Variants in ATF1 observed in about 807,000 individuals in gnomAD.
ATF1 encodes the protein activating transcription factor 1, also known as cyclic AMP-dependent transcription factor ATF-1.
Under a neutral mutation model 34.7 loss-of-function variants are expected in ATF1, and 16 were observed. The observed-to-expected ratio is 0.46, with a 90% CI of 0.31 to 0.70. ATF1 has a LOEUF of 0.70. ATF1 is among the 30% of genes least tolerant of loss of function. The pLI is 0.05. For missense variants in ATF1, 255 were observed against 321.6 expected, an observed-to-expected ratio of 0.79 and a Z score of 1.58; for synonymous variants, 105 against 113.1, an observed-to-expected ratio of 0.93 and a Z score of 0.46.
intron 4 of ATF1, among the ~76,000 whole-genome samples, chr12:50,813,762 C>T (rs1391354964): frequency 6.6e-6 from 1 of 151,918 alleles, no homozygotes; most frequent in Admixed American, 6.6e-5. Context: ...TGCAGCCAGC[C>T]GAGATCGTGC....
chr12:50,814,045 A>T lies in ATF1; in HGVS notation c.364A>T (p.Ser122Cys). 1 of 1,613,634 alleles carries T rather than the reference A, an allele frequency of 6.2e-7. No homozygotes were observed. The highest frequency in any genetic ancestry group is 8.5e-7 in the Non-Finnish European group (1 of 1,179,914). Residue 122 changes from serine to cysteine, a missense_variant, in exon 5 of 7, where the codon AGT (serine) becomes TGT (cysteine). Around this residue, in one of 2 missense-constraint regions of ATF1, gnomAD observed 221 missense variants for 250.7 expected, o/e 0.88. Transcript: ENST00000262053. ...CCCAAATGGAGCCTTACAGTTGGCA[A>T]GTCCAGGCACAGATGGAGTACAGGG... is the stretch of plus-strand genomic sequence containing the variant. ...IAPNGALQLA[S>C]PGTDGVQGLQ... is the part of the protein sequence containing the mutation.
chr12:50,812,476 A>G, intron 4 of ATF1, among the ~76,000 whole-genome samples: 1 of 152,296 alleles, frequency 6.6e-6, no homozygotes, highest in African/African-American at 2.4e-5. Context: ...GTGTATGTGT[A>G]TATATGTATA....
At chr12:50,795,808 TGGAGTGGCA>T in intron 2 of ATF1, 92 bp from the exon 3 acceptor site, 1 of 823,696 alleles carries the variant, frequency 1.2e-6, no homozygotes, top group Non-Finnish European at 2.0e-6. Flanking sequence ...ACAAATGAAT[TGGAGTGGCA>T]GGAGACAGAT....
chr12:50,798,795 GTCAAC>G (rs1480662538), intron 3 of ATF1, among the ~76,000 whole-genome samples: 1 of 152,126 alleles, frequency 6.6e-6, no homozygotes, highest in Non-Finnish European at 1.5e-5. Context: ...AAACAATACA[GTCAAC>G]TCAATAAATG....
intron 1 of ATF1, among the ~76,000 whole-genome samples, chr12:50,773,032 T>G (rs546954648): frequency 6.6e-6 from 1 of 152,338 alleles, no homozygotes; most frequent in African/African-American, 2.4e-5. Flanking sequence ...TGATGTTCTG[T>G]TCCTTTGTTA....
chr12:50,783,171 GGTAA>G (rs772127930), intron 2 of ATF1, among the ~76,000 whole-genome samples: 17 of 152,024 alleles, frequency 1.1e-4, no homozygotes, highest in African/African-American at 2.9e-4. Context: ...TTTTAAATAT[GGTAA>G]GTATTAATAA....
At chr12:50,804,426 T>C (rs1251544812) in intron 3 of ATF1, among the ~76,000 whole-genome samples, 2 of 152,198 alleles carry the variant, frequency 1.3e-5, no homozygotes, top group Non-Finnish European at 2.9e-5. Flanking sequence ...GGCTCACACC[T>C]GTGATCTCAG....
At chr12:50,780,507 G>C (rs10876089) in intron 2 of ATF1, among the ~76,000 whole-genome samples, 9 of 151,224 alleles carry the variant, frequency 6.0e-5, no homozygotes, top group Admixed American at 3.9e-4. Context: ...ACCACGCCTG[G>C]CTATTTTTTG....
At chr12:50,767,620 TA>T (rs1175250930) in intron 1 of ATF1, among the ~76,000 whole-genome samples, 17 of 152,154 alleles carry the variant, frequency 1.1e-4, no homozygotes, top group African/African-American at 3.1e-4. Context: ...CTGTAACAAA[TA>T]AAAGACTGGA....
chr12:50,780,606 A>G (rs1269537613), intron 2 of ATF1, among the ~76,000 whole-genome samples: 3 of 151,708 alleles, frequency 2.0e-5, no homozygotes, highest in African/African-American at 7.3e-5. Context: ...TGGCCTCCCA[A>G]AATGCTGGGA....
chr12:50,790,187 T>C (rs2139663650), intron 2 of ATF1, among the ~76,000 whole-genome samples: 1 of 147,448 alleles, frequency 6.8e-6, no homozygotes, highest in Middle Eastern at 3.5e-3. Context: ...TCTCAAGACT[T>C]GTGGGTTCTA....
At chr12:50,802,954 C>G (rs115731963) in intron 3 of ATF1, among the ~76,000 whole-genome samples, 7,102 of 144,824 alleles carry the variant, frequency 0.049, 596 homozygotes, top group African/African-American at 0.17. Context: ...ATATTAAGAC[C>G]AAATTAAAAA....
At chr12:50,765,217 GT>G (rs1940602372) in intron 1 of ATF1, among the ~76,000 whole-genome samples, 1 of 152,156 alleles carries the variant, frequency 6.6e-6, no homozygotes, top group South Asian at 2.1e-4. Flanking sequence ...TGATGAGTTC[GT>G]AGGCATTTAT....
intron 6 of ATF1, 96 bp from the exon 7 acceptor site, chr12:50,819,539 G>GAAAAA: frequency 7.2e-7 from 1 of 1,397,190 alleles, no homozygotes; most frequent in Non-Finnish European, 9.9e-7. Context: ...ACTTTAAAGA[G>GAAAAA]AAAAAAAGGT....
At chr12:50,794,891 C>T (rs1345347380) in intron 2 of ATF1, among the ~76,000 whole-genome samples, 62 of 152,068 alleles carry the variant, frequency 4.1e-4, no homozygotes, top group Admixed American at 4.1e-3. Context: ...TGCACTTCAG[C>T]CTGGGTGACA....
At chr12:50,782,232 CTGTTTTTTTTGTT>C (rs1229639158) in intron 2 of ATF1, among the ~76,000 whole-genome samples, 1 of 138,712 alleles carries the variant, frequency 7.2e-6, no homozygotes, top group Non-Finnish European at 1.7e-5. Context: ...TTTTCTTTTT[CTGTTTTTTTTGTT>C]TGTTTGTTTA....
At position 50,820,224 on chromosome 12, in the gene ATF1, T is replaced by TAAGA. The variant is rs1941923250; in HGVS notation, c.*446_*449dup. Reference sequence around the variant, plus strand: ...GCCAATAAATTCTAAATTACAAAGGTAAGAGAAAACCTAGTACATTACTAA... The same window carrying TAAGA: ...GCCAATAAATTCTAAATTACAAAGGTAAGAAAGAGAAAACCTAGTACATTACTAA... On this transcript the variant is annotated 3_prime_UTR_variant, in exon 7 of 7. Transcript: ENST00000262053. 4.9e-6 allele frequency: 1 copy of TAAGA among 204,122 alleles called. No individual in the cohort carries two copies. Among genetic ancestry groups the TAAGA allele is most frequent in the Admixed American group, 5.9e-5 (1 of 16,924 alleles). 12.6% of individuals were successfully genotyped at this position (204,122 alleles called of 1,614,324 possible).
intron 6 of ATF1, among the ~76,000 whole-genome samples, 176 bp from the exon 7 acceptor site, chr12:50,819,459 G>A (rs1010648572): frequency 6.6e-6 from 1 of 152,140 alleles, no homozygotes; most frequent in Non-Finnish European, 1.5e-5. Flanking sequence ...GGGTTATACA[G>A]GTATACACAA....
chr12:50,808,715 T>C (rs1406368638), intron 3 of ATF1, among the ~76,000 whole-genome samples: 8 of 150,720 alleles, frequency 5.3e-5, no homozygotes, highest in African/African-American at 1.9e-4. Context: ...TTTGGTGTAA[T>C]AGTTTAAGTG....
Sources: allele counts gnomAD v4.1 joint callset (sites outside exome capture counted in the v4.1 genomes callset), GRCh38; gene constraint gnomAD v4.1.1; regional missense constraint gnomAD v4.1.1; transcripts MANE v1.5; gene names NCBI Gene and HGNC (gene_info 2026-07-23, HGNC 2026-07-21).